The following NRG1 variants were observed in gnomAD, a reference collection of about 807,000 sequenced individuals.
NRG1 encodes neuregulin 1.
A neutral mutation model predicts 63.8 loss-of-function variants in NRG1; 18 were observed. The observed-to-expected ratio is 0.28, with a 90% CI of 0.19 to 0.42. NRG1 has a LOEUF of 0.42. Among genes scored for constraint, NRG1 ranks in the 10% least tolerant of loss-of-function variants. NRG1 has a pLI of 1.00. For missense variants in NRG1, 762 were observed against 814.7 expected, an observed-to-expected ratio of 0.94 and a Z score of 0.79; for synonymous variants, 302 against 301.3, an observed-to-expected ratio of 1.00 and a Z score of -0.02.
chr8:32,288,687 C>T (rs1400005061), intron 1 of NRG1, among the ~76,000 whole-genome samples: 2 of 152,128 alleles, frequency 1.3e-5, no homozygotes, highest in African/African-American at 2.4e-5. Flanking sequence ...AGCCACTGCC[C>T]GGTCCTTGAA....
At chr8:32,054,052 C>T (rs1822436658) in intron 1 of NRG1, among the ~76,000 whole-genome samples, 7 of 152,158 alleles carry the variant, frequency 4.6e-5, no homozygotes, top group Admixed American at 4.6e-4. Context: ...ACATTGTTAA[C>T]TGTACATTCC....
intron 1 of NRG1, among the ~76,000 whole-genome samples, chr8:32,354,449 T>G (rs1806080487): frequency 6.6e-6 from 1 of 152,158 alleles, no homozygotes; most frequent in African/African-American, 2.4e-5. Context: ...ATAAAAATTT[T>G]TCTCTGTTAT....
At chr8:32,399,008 G>C (rs960036077) in intron 1 of NRG1, among the ~76,000 whole-genome samples, 1 of 151,806 alleles carries the variant, frequency 6.6e-6, no homozygotes. Flanking sequence ...CATTTATTTT[G>C]TACGAATGTA....
intron 1 of NRG1, among the ~76,000 whole-genome samples, chr8:32,352,589 C>T (rs1630559): frequency 0.87 from 131,828 of 152,082 alleles, 57,487 homozygotes; most frequent in Middle Eastern, 0.93. Context: ...ATACTTCATA[C>T]TGTAAAGATG....
chr8:31,924,703 G>T (rs1269709440), intron 1 of NRG1, among the ~76,000 whole-genome samples: 1 of 145,832 alleles, frequency 6.9e-6, no homozygotes, highest in Non-Finnish European at 1.5e-5. Context: ...ATAGATTATT[G>T]ATATTCAACT....
At chr8:32,444,054 TTCTC>T (rs987456591) in intron 1 of NRG1, among the ~76,000 whole-genome samples, 9 of 151,460 alleles carry the variant, frequency 5.9e-5, no homozygotes, top group Middle Eastern at 3.4e-3. Context: ...TTCTTTTTCT[TTCTC>T]TCTCTCTTTC....
chr8:32,551,348 C>A (rs1488071523), intron 1 of NRG1, among the ~76,000 whole-genome samples: 1 of 152,142 alleles, frequency 6.6e-6, no homozygotes, highest in Non-Finnish European at 1.5e-5. Context: ...CTTAAAACAG[C>A]CACTGCAACT....
intron 1 of NRG1, among the ~76,000 whole-genome samples, chr8:32,184,857 C>G (rs1422303965): frequency 6.6e-6 from 1 of 151,972 alleles, no homozygotes; most frequent in Non-Finnish European, 1.5e-5. Context: ...GTTAAGATAC[C>G]TAGGTTGTGG....
chr8:31,711,100 A>G (rs1388556804), intron 1 of NRG1, among the ~76,000 whole-genome samples: 1 of 152,198 alleles, frequency 6.6e-6, no homozygotes, highest in Non-Finnish European at 1.5e-5. Flanking sequence ...AAAATAATCA[A>G]CAAACATTTT....
At chr8:31,681,844 A>C (rs1808369907) in intron 1 of NRG1, among the ~76,000 whole-genome samples, 1 of 152,006 alleles carries the variant, frequency 6.6e-6, no homozygotes, top group African/African-American at 2.4e-5. Flanking sequence ...AGAGCAGAAA[A>C]TAGAGTTCCC....
In NRG1 at chr8:31,640,787, C is replaced by A; in HGVS notation, c.37+1356C>A. On this transcript the variant is annotated intron_variant, in intron 1 of 10. Transcript: ENST00000519301. The surrounding 1 kb of genome is among the most constrained non-coding windows in gnomAD (Gnocchi z 6.3). The stretch of plus-strand genomic sequence containing the variant: ...CGGCGAGGAGGGCGCATCCCGGGCG[C>A]GCGGGCAGCGGGGCTCGACGGCCGC... 6.9e-7 allele frequency: 1 copy of A among 1,439,902 alleles called. No homozygotes were observed. Among genetic ancestry groups the A allele is most frequent in the Non-Finnish European group, 9.1e-7 (1 of 1,096,270 alleles). 89.2% of individuals were successfully genotyped at this position (1,439,902 alleles called of 1,614,324 possible).
intron 1 of NRG1, among the ~76,000 whole-genome samples, chr8:32,426,807 C>T (rs1441696309): frequency 6.6e-6 from 1 of 152,140 alleles, no homozygotes; most frequent in Non-Finnish European, 1.5e-5. Flanking sequence ...TGACATACAC[C>T]GTAATGTCAG....
chr8:32,110,826 T>A (rs1831919285), intron 1 of NRG1, among the ~76,000 whole-genome samples: 1 of 152,142 alleles, frequency 6.6e-6, no homozygotes. Flanking sequence ...TCTCATAAGA[T>A]GCAGATGAAG....
intron 1 of NRG1, among the ~76,000 whole-genome samples, chr8:32,266,550 G>A (rs912955188): frequency 6.6e-6 from 1 of 152,106 alleles, no homozygotes; most frequent in Non-Finnish European, 1.5e-5. Context: ...AAGAGGAAGG[G>A]ATGTCAGCCA....
chr8:31,992,336 T>G (rs1167246041), intron 1 of NRG1, among the ~76,000 whole-genome samples: 1 of 151,952 alleles, frequency 6.6e-6, no homozygotes, highest in Admixed American at 6.6e-5. Flanking sequence ...AGAGCAGAAA[T>G]GTCTGATGTT....
intron 5 of NRG1, among the ~76,000 whole-genome samples, chr8:32,717,460 T>A (rs1474544842): frequency 6.6e-6 from 1 of 152,100 alleles, no homozygotes; most frequent in South Asian, 2.1e-4. Context: ...CAGGGAGACA[T>A]GTTTTGCTAC....
At chr8:32,439,680 T>C (rs1819265792) in intron 1 of NRG1, among the ~76,000 whole-genome samples, 1 of 152,244 alleles carries the variant, frequency 6.6e-6, no homozygotes, top group Non-Finnish European at 1.5e-5. Context: ...GCTTATAATA[T>C]TAAAATTATG....
intron 1 of NRG1, among the ~76,000 whole-genome samples, chr8:31,703,914 T>TA (rs1810872718): frequency 6.6e-6 from 1 of 152,350 alleles, no homozygotes; most frequent in African/African-American, 2.4e-5. Context: ...TAATTTTTCT[T>TA]AAACACTTTG....
At chr8:32,325,952 C>T (rs1020258101) in intron 1 of NRG1, among the ~76,000 whole-genome samples, 3 of 151,882 alleles carry the variant, frequency 2.0e-5, no homozygotes, top group Admixed American at 6.6e-5. Flanking sequence ...ATCCCTCAGC[C>T]CATATTAAGT....
Sources: allele counts gnomAD v4.1 joint callset (sites outside exome capture counted in the v4.1 genomes callset), GRCh38; gene constraint gnomAD v4.1.1; non-coding constraint Gnocchi (gnomAD v3.1); transcripts MANE v1.5; gene names NCBI Gene and HGNC (gene_info 2026-07-23, HGNC 2026-07-21).